Variants in LRRC18 observed in about 807,000 individuals in gnomAD.
LRRC18 encodes leucine-rich repeat-containing protein 18.
Under a neutral mutation model 11.2 loss-of-function variants are expected in LRRC18, and 12 were observed. That is an observed-to-expected ratio of 1.07 (90% confidence interval 0.69 to 1.74). The LOEUF is 1.74. Among genes scored for constraint, LRRC18 ranks in the 40% most tolerant of loss-of-function variants. LRRC18 has a pLI of 0.00. For missense variants in LRRC18, 374 were observed against 330.5 expected (o/e 1.13, Z -1.02); for synonymous variants, 155 against 130.6 (o/e 1.19, Z -1.27).
the LRRC18 span, among the ~76,000 whole-genome samples, chr10:48,939,410 G>A: frequency 9.9e-5 from 15 of 152,182 alleles, no homozygotes; most frequent in African/African-American, 2.9e-4. Flanking sequence ...AAATCAGAGC[G>A]GCTTGCTGTC....
At chr10:48,933,280 T>C in the LRRC18 span, among the ~76,000 whole-genome samples, 1 of 152,172 alleles carries the variant, frequency 6.6e-6, no homozygotes, top group African/African-American at 2.4e-5. Flanking sequence ...CAGCACAAAG[T>C]CTAAGTGCCT....
rs542056244 is a variant in LRRC18 at position 48,909,838 on chromosome 10, T to A, written c.*399A>T. On this transcript the variant is annotated 3_prime_UTR_variant, in exon 2 of 2. Coordinates refer to ENST00000374160, the Ensembl canonical transcript of LRRC18. ...GGAGGAGACAAATGCCCAAACCATA[T>A]CAGTATCTCATTATACCTACATAAA... The A allele has an allele frequency of 4.7e-5, 8 of 170,376 alleles. No homozygotes were observed. The East Asian group carries it at 1.3e-3, about 27-fold the overall frequency. The allele number at this position is 170,376 out of a possible 1,614,324, so 10.6% of individuals were successfully genotyped here.
chr10:48,925,823 C>A, the LRRC18 span, among the ~76,000 whole-genome samples: 300 of 152,318 alleles, frequency 2.0e-3, 2 homozygotes, highest in African/African-American at 6.9e-3. Flanking sequence ...GAGCTCCTCT[C>A]TATCATTCAC....
At chr10:48,931,340 A>G in the LRRC18 span, among the ~76,000 whole-genome samples, 6 of 152,158 alleles carry the variant, frequency 3.9e-5, no homozygotes, top group East Asian at 1.2e-3. Flanking sequence ...GCTGTCCCAG[A>G]GTGGAATGCA....
the LRRC18 span, among the ~76,000 whole-genome samples, chr10:48,935,471 G>A: frequency 6.6e-6 from 1 of 152,232 alleles, no homozygotes; most frequent in African/African-American, 2.4e-5. Flanking sequence ...CAACGGCCAA[G>A]CGGATGTGGC....
the LRRC18 span, among the ~76,000 whole-genome samples, chr10:48,931,858 A>C: frequency 6.6e-6 from 1 of 152,220 alleles, no homozygotes; most frequent in African/African-American, 2.4e-5. Context: ...GCAAACAGAC[A>C]TAACTATTGC....
At chr10:48,928,671 C>A in the LRRC18 span, among the ~76,000 whole-genome samples, 1 of 152,288 alleles carries the variant, frequency 6.6e-6, no homozygotes, top group East Asian at 1.9e-4. Context: ...CACTTCACAC[C>A]CTCTAGTTCT....
chr10:48,920,840 C>A, the LRRC18 span, among the ~76,000 whole-genome samples: 30 of 152,198 alleles, frequency 2.0e-4, no homozygotes, highest in African/African-American at 6.8e-4. Flanking sequence ...ACACAAAACA[C>A]CCATTGCATT....
chr10:48,910,200 T>C, exon 2 of LRRC18: 1 of 1,521,814 alleles, frequency 6.6e-7, no homozygotes, highest in African/African-American at 1.4e-5. Context: ...GTTTATTCTG[T>C]TAGCTGAGTA....
chr10:48,938,207 A>G, the LRRC18 span, among the ~76,000 whole-genome samples: 7 of 152,246 alleles, frequency 4.6e-5, no homozygotes, highest in Admixed American at 1.3e-4. Flanking sequence ...GCAACACAAC[A>G]TGGGAGAATT....
the LRRC18 span, among the ~76,000 whole-genome samples, chr10:48,920,063 C>G: frequency 6.6e-6 from 1 of 151,746 alleles, no homozygotes; most frequent in Admixed American, 6.6e-5. Context: ...AATGACAGCC[C>G]AAACTTACTC....
chr10:48,917,415 C>G (rs1414219753), upstream of LRRC18, among the ~76,000 whole-genome samples: 1 of 152,108 alleles, frequency 6.6e-6, no homozygotes, highest in Non-Finnish European at 1.5e-5. Context: ...TCAGCGAACT[C>G]CAAACAAGAT....
chr10:48,912,421 A>G (rs1003962087), intron 1 of LRRC18, among the ~76,000 whole-genome samples: 3 of 152,342 alleles, frequency 2.0e-5, no homozygotes, highest in South Asian at 2.1e-4. Flanking sequence ...TCAGAAGCAG[A>G]GCTGCCATGG....
At chr10:48,910,017 C>T (rs1837856821) in exon 2 of LRRC18, 1 of 555,438 alleles carries the variant, frequency 1.8e-6, no homozygotes, top group Non-Finnish European at 3.2e-6. Context: ...TTAAAAACCA[C>T]ATCAAATATT....
chr10:48,909,488 A>G (rs755035551), exon 2 of LRRC18: 1 of 126,344 alleles, frequency 7.9e-6, no homozygotes, highest in Admixed American at 7.5e-5. Context: ...GGTAATTTAT[A>G]AAGAAAAGAA....
chr10:48,911,369 G>T (rs747392001), intron 1 of LRRC18, among the ~76,000 whole-genome samples: 25 of 152,196 alleles, frequency 1.6e-4, no homozygotes, highest in Non-Finnish European at 3.4e-4. Context: ...TTGATGGCAT[G>T]TATCAACATT....
chr10:48,929,162 T>A, the LRRC18 span, among the ~76,000 whole-genome samples: 1 of 151,018 alleles, frequency 6.6e-6, no homozygotes, highest in South Asian at 2.1e-4. Context: ...GAATTTCAGA[T>A]GGAGGAAACA....
At chr10:48,935,903 C>T in the LRRC18 span, among the ~76,000 whole-genome samples, 1 of 149,320 alleles carries the variant, frequency 6.7e-6, no homozygotes, top group Admixed American at 6.7e-5. Flanking sequence ...CATCTATGGT[C>T]TTTTTTTTTT....
At chr10:48,936,031 G>A in the LRRC18 span, among the ~76,000 whole-genome samples, 2 of 151,740 alleles carry the variant, frequency 1.3e-5, no homozygotes, top group African/African-American at 4.8e-5. Context: ...TGTATATGCA[G>A]AAATAAGAAA....
Sources: gnomAD v4.1 joint callset for allele counts (sites outside exome capture counted in the v4.1 genomes callset) on GRCh38, gnomAD v4.1.1 for gene constraint, MANE v1.5 for transcripts, NCBI Gene and HGNC (gene_info 2026-07-23, HGNC 2026-07-21) for gene names.